The following LRRC3B variants were observed in gnomAD, a reference collection of about 807,000 sequenced individuals.
LRRC3B encodes the protein leucine-rich repeat-containing protein 3B.
A neutral mutation model predicts 12.8 loss-of-function variants in LRRC3B; 2 were observed. That is an observed-to-expected ratio of 0.16 (90% CI 0.06 to 0.49). The LOEUF (loss-of-function observed/expected upper bound fraction) is 0.49, where lower values mean the gene tolerates loss of function less well. Ranked by LOEUF, LRRC3B falls within the 20% of genes least tolerant of loss-of-function variation. The pLI is 0.96. For missense variants in LRRC3B, 189 were observed against 319.4 expected, an observed-to-expected ratio of 0.59 and a Z score of 3.11; for synonymous variants, 132 against 122.0, an observed-to-expected ratio of 1.08 and a Z score of -0.54.
chr3:26,703,590 G>A (rs1405231695), intron 1 of LRRC3B, among the ~76,000 whole-genome samples: 1 of 151,896 alleles, frequency 6.6e-6, no homozygotes, highest in Admixed American at 6.6e-5. Flanking sequence ...CGTGTTCTTT[G>A]GTTGGTCCTA....
intron 1 of LRRC3B, among the ~76,000 whole-genome samples, chr3:26,685,284 G>A (rs911917056): frequency 1.1e-4 from 16 of 151,536 alleles, no homozygotes; most frequent in African/African-American, 2.7e-4. Context: ...GTTTTTTGGC[G>A]GGTTTCATGT....
intron 1 of LRRC3B, among the ~76,000 whole-genome samples, chr3:26,658,137 G>T (rs1699414084): frequency 6.6e-6 from 1 of 152,074 alleles, no homozygotes; most frequent in Non-Finnish European, 1.5e-5. Flanking sequence ...AGTTTCAGTG[G>T]CACCATCTTG....
chr3:26,634,460 C>T (rs917578280), intron 1 of LRRC3B, among the ~76,000 whole-genome samples: 1 of 152,174 alleles, frequency 6.6e-6, no homozygotes, highest in African/African-American at 2.4e-5. Context: ...CTGTTAAAAA[C>T]ATCACAAGGA....
At chr3:26,708,616 T>G (rs1700666710) in intron 1 of LRRC3B, among the ~76,000 whole-genome samples, 1 of 152,212 alleles carries the variant, frequency 6.6e-6, no homozygotes, top group South Asian at 2.1e-4. Context: ...TTAACTTATA[T>G]TCTTATCTCT....
At chr3:26,648,617 A>G (rs2125413356) in intron 1 of LRRC3B, among the ~76,000 whole-genome samples, 1 of 152,290 alleles carries the variant, frequency 6.6e-6, no homozygotes, top group Non-Finnish European at 1.5e-5. Flanking sequence ...TCCCTAGAGA[A>G]CCAGAATCCT....
chr3:26,671,352 A>ATG (rs1559361646), intron 1 of LRRC3B, among the ~76,000 whole-genome samples: 25 of 42,888 alleles, frequency 5.8e-4, no homozygotes, highest in African/African-American at 2.2e-3. Context: ...ATATGTGTGT[A>ATG]TATATATATA....
chr3:26,638,580 C>A (rs1238397241), intron 1 of LRRC3B, among the ~76,000 whole-genome samples: 1 of 152,098 alleles, frequency 6.6e-6, no homozygotes, highest in Non-Finnish European at 1.5e-5. Context: ...AAAAATAAGA[C>A]CTGCAGATGG....
In LRRC3B at chr3:26,661,847, C is replaced by T. The variant is rs566857947; in HGVS notation, c.-161+38610C>T. Among the ~76,000 whole-genome samples, 7 of 152,296 alleles carry T rather than the reference C, an allele frequency of 4.6e-5. No homozygotes were observed. The South Asian group carries it at 1.0e-3, about 23-fold the overall frequency. On this transcript the variant is annotated intron_variant, in intron 1 of 1. Transcript: ENST00000396641. ...TCTGTATTTCTTTAGATTCTACCAGCTCAGGATCAACACCCAAAGTTGGTC... is the reference window on the plus strand; with the variant it reads ...TCTGTATTTCTTTAGATTCTACCAGTTCAGGATCAACACCCAAAGTTGGTC...
intron 1 of LRRC3B, among the ~76,000 whole-genome samples, chr3:26,671,408 A>AGG (rs1699741951): frequency 7.7e-6 from 1 of 130,420 alleles, no homozygotes. Flanking sequence ...AGAGAGAGAG[A>AGG]GAGAGACGAA....
chr3:26,648,622 A>G (rs1699201840), intron 1 of LRRC3B, among the ~76,000 whole-genome samples: 1 of 152,178 alleles, frequency 6.6e-6, no homozygotes, highest in East Asian at 1.9e-4. Flanking sequence ...AGAGAACCAG[A>G]ATCCTGCCAC....
chr3:26,623,236 A>C (rs1206795196), exon 1 of LRRC3B: 1 of 152,612 alleles, frequency 6.6e-6, no homozygotes, highest in Non-Finnish European at 1.5e-5. Context: ...GACTGGCGCA[A>C]GGTAAGGTGC....
intron 1 of LRRC3B, among the ~76,000 whole-genome samples, chr3:26,676,568 T>A (rs1699865422): frequency 6.6e-6 from 1 of 151,978 alleles, no homozygotes; most frequent in Non-Finnish European, 1.5e-5. Flanking sequence ...AGAATGACAA[T>A]CATTAAAAAG....
At chr3:26,636,946 CTTTCTTTCTTTCTTTCTTTCTTTCTT>C (rs1698906076) in intron 1 of LRRC3B, among the ~76,000 whole-genome samples, 5 of 117,416 alleles carry the variant, frequency 4.3e-5, no homozygotes, top group East Asian at 3.8e-4. Context: ...TTCTTTCTTT[CTTTCTTTCTTTCTTTCTTTCTTTCTT>C]TCTCTCTCTC....
intron 1 of LRRC3B, among the ~76,000 whole-genome samples, chr3:26,652,084 T>C (rs17221676): frequency 0.015 from 2,305 of 152,318 alleles, 24 homozygotes; most frequent in South Asian, 0.032. Flanking sequence ...TATAATTTTA[T>C]TGGGCAATGG....
intron 1 of LRRC3B, among the ~76,000 whole-genome samples, chr3:26,692,534 T>G (rs1274279828): frequency 6.6e-6 from 1 of 152,148 alleles, no homozygotes; most frequent in African/African-American, 2.4e-5. Flanking sequence ...ATTAAATAAT[T>G]TGGTATCTAA....
intron 1 of LRRC3B, among the ~76,000 whole-genome samples, chr3:26,638,105 T>C (rs1698941412): frequency 6.6e-6 from 1 of 152,220 alleles, no homozygotes; most frequent in Non-Finnish European, 1.5e-5. Flanking sequence ...CAAAGCATTG[T>C]AGATGTCTAA....
At chr3:26,639,060 G>A (rs1698963536) in intron 1 of LRRC3B, among the ~76,000 whole-genome samples, 1 of 151,992 alleles carries the variant, frequency 6.6e-6, no homozygotes, top group Admixed American at 6.6e-5. Flanking sequence ...CCTTATAGAG[G>A]AACACTCTTT....
At chr3:26,675,137 C>T (rs546318967) in intron 1 of LRRC3B, among the ~76,000 whole-genome samples, 32 of 152,148 alleles carry the variant, frequency 2.1e-4, no homozygotes, top group Non-Finnish European at 4.1e-4. Flanking sequence ...CCGCCTGATT[C>T]TATTGCATAT....
chr3:26,634,613 G>T (rs988040531), intron 1 of LRRC3B, among the ~76,000 whole-genome samples: 2 of 152,168 alleles, frequency 1.3e-5, no homozygotes, highest in African/African-American at 4.8e-5. Flanking sequence ...GAGATGGGGG[G>T]AGGATTCTCT....
Sources: allele counts gnomAD v4.1 joint callset (sites outside exome capture counted in the v4.1 genomes callset), GRCh38; gene constraint gnomAD v4.1.1; transcripts MANE v1.5; gene names NCBI Gene and HGNC (gene_info 2026-07-23, HGNC 2026-07-21).